CTNNA3: variants seen among roughly 807,000 people sequenced by gnomAD.
The protein encoded by CTNNA3 is catenin alpha 3, also known as catenin alpha-3.
In CTNNA3, 76 loss-of-function variants were observed where a neutral mutation model predicts 95.7. The observed-to-expected ratio is 0.79, with a 90% confidence interval of 0.66 to 0.96. The LOEUF is 0.96. Ranked by LOEUF, CTNNA3 falls within the 40% of genes least tolerant of loss-of-function variation. The pLI, the probability that CTNNA3 is intolerant of heterozygous loss-of-function variation, is 0.00. For synonymous variants in CTNNA3, 431 were observed against 374.4 expected (o/e 1.15, Z -1.74); for missense variants, 1,191 against 1,089.8 (o/e 1.09, Z -1.31).
At chr10:67,579,399 C>T (rs572877349) in intron 3 of CTNNA3, among the ~76,000 whole-genome samples, 3 of 152,106 alleles carry the variant, frequency 2.0e-5, no homozygotes, top group African/African-American at 7.2e-5. Flanking sequence ...TTTTTTATGG[C>T]TGCATACTAT....
chr10:66,024,538 A>T (rs973632419), intron 15 of CTNNA3, among the ~76,000 whole-genome samples: 10 of 152,242 alleles, frequency 6.6e-5, no homozygotes, highest in African/African-American at 2.2e-4. Flanking sequence ...TGATCTTTAC[A>T]CATACAGTTC....
chr10:67,695,585 C>T (rs1840948947), intron 1 of CTNNA3, among the ~76,000 whole-genome samples: 3 of 152,194 alleles, frequency 2.0e-5, no homozygotes, highest in Non-Finnish European at 4.4e-5. Context: ...CTTCCATTTA[C>T]TATGAATTAG....
chr10:66,607,603 T>C (rs1225425256), intron 10 of CTNNA3, among the ~76,000 whole-genome samples: 1 of 150,174 alleles, frequency 6.7e-6, no homozygotes, highest in Non-Finnish European at 1.5e-5. Context: ...AAAAAGCAAA[T>C]GCATGATGAT....
intron 3 of CTNNA3, among the ~76,000 whole-genome samples, chr10:67,560,063 G>A (rs1012052872): frequency 5.0e-4 from 76 of 152,202 alleles, no homozygotes; most frequent in Middle Eastern, 3.4e-3. Context: ...AAAACACTCT[G>A]CAGGATATTA....
chr10:66,261,356 C>T (rs2090992892), intron 13 of CTNNA3, among the ~76,000 whole-genome samples: 1 of 152,068 alleles, frequency 6.6e-6, no homozygotes. Context: ...CTACTTGTCA[C>T]TTGTCTCTTT....
chr10:66,465,923 CAAT>C (rs1838893092), intron 11 of CTNNA3, among the ~76,000 whole-genome samples: 1 of 152,056 alleles, frequency 6.6e-6, no homozygotes, highest in South Asian at 2.1e-4. Context: ...GGAGATAGTA[CAAT>C]GAGACAACAT....
intron 6 of CTNNA3, among the ~76,000 whole-genome samples, chr10:67,204,228 A>G (rs1414453735): frequency 6.6e-6 from 1 of 152,118 alleles, no homozygotes; most frequent in African/African-American, 2.4e-5. Context: ...AAATGTAACC[A>G]CTAATGTTGG....
chr10:66,370,291 C>A (rs1002124602), intron 12 of CTNNA3, among the ~76,000 whole-genome samples: 1 of 152,098 alleles, frequency 6.6e-6, no homozygotes, highest in Non-Finnish European at 1.5e-5. Flanking sequence ...GCTGTCTTTG[C>A]AGCTACAGGC....
chr10:66,763,837 A>G (rs1195996785), intron 9 of CTNNA3, among the ~76,000 whole-genome samples: 1 of 152,170 alleles, frequency 6.6e-6, no homozygotes, highest in Non-Finnish European at 1.5e-5. Context: ...CCCCCAACTG[A>G]CAGTTAACGC....
intron 1 of CTNNA3, among the ~76,000 whole-genome samples, chr10:67,742,389 T>A (rs538989939): frequency 5.3e-5 from 8 of 151,024 alleles, no homozygotes; most frequent in Admixed American, 4.6e-4. Flanking sequence ...AACAACCCGC[T>A]CCTGAATGAC....
chr10:66,980,196 G>A (rs955398700), intron 7 of CTNNA3, among the ~76,000 whole-genome samples: 1 of 152,086 alleles, frequency 6.6e-6, no homozygotes, highest in African/African-American at 2.4e-5. Context: ...CTGACCTACG[G>A]CAGTCAATAA....
At chr10:67,255,131 A>G (rs1866285621) in intron 5 of CTNNA3, among the ~76,000 whole-genome samples, 1 of 152,132 alleles carries the variant, frequency 6.6e-6, no homozygotes, top group Non-Finnish European at 1.5e-5. Flanking sequence ...CCATGTCTCT[A>G]CTAAAAATAC....
intron 3 of CTNNA3, among the ~76,000 whole-genome samples, chr10:67,598,704 T>C (rs1335816621): frequency 6.6e-6 from 1 of 152,140 alleles, no homozygotes; most frequent in Non-Finnish European, 1.5e-5. Flanking sequence ...TTATATGGCA[T>C]TTCCTGTAAG....
At chr10:66,723,808 G>A (rs1164249692) in intron 9 of CTNNA3, among the ~76,000 whole-genome samples, 1 of 152,160 alleles carries the variant, frequency 6.6e-6, no homozygotes, top group East Asian at 1.9e-4. Context: ...AATGAGGCAG[G>A]CAACAAGCCA....
rs541532976 is a variant in CTNNA3, at chr10:66,504,462, C to G, written c.1531+16155G>C. On this transcript the variant is annotated intron_variant, in intron 11 of 17. Transcript: ENST00000433211. Reference sequence around the variant, plus strand: ...TACATGATTCCTGTTTTCAAATTTCCTATCTAGACCCACTTGGATAGCAAG... The same window carrying G: ...TACATGATTCCTGTTTTCAAATTTCGTATCTAGACCCACTTGGATAGCAAG... Among the ~76,000 whole-genome samples, 155 of 152,276 alleles carry G rather than the reference C, an allele frequency of 1.0e-3. 2 individuals carry two copies. The highest frequency in any genetic ancestry group is 5.2e-3 in the South Asian group (25 of 4,826).
At chr10:67,269,381 C>T (rs1179956348) in intron 5 of CTNNA3, among the ~76,000 whole-genome samples, 6 of 152,014 alleles carry the variant, frequency 3.9e-5, no homozygotes, top group African/African-American at 1.4e-4. Flanking sequence ...GAATAAATAG[C>T]TAGACATACA....
intron 11 of CTNNA3, among the ~76,000 whole-genome samples, chr10:66,453,518 A>G (rs2093477889): frequency 1.3e-5 from 2 of 152,348 alleles, no homozygotes; most frequent in Admixed American, 1.3e-4. Context: ...AGGGAGAAAG[A>G]AGTGCTAGGG....
At chr10:66,278,373 G>A (rs1473804962) in intron 13 of CTNNA3, among the ~76,000 whole-genome samples, 1 of 151,650 alleles carries the variant, frequency 6.6e-6, no homozygotes, top group African/African-American at 2.4e-5. Flanking sequence ...TGAGAAGTTT[G>A]TTGAAAATTA....
chr10:66,018,035 T>C lies in CTNNA3; in HGVS notation c.2160-29238A>G, dbSNP rs192841736. ...ATCCTTTGGCCATAAAAGAAAATGA[T>C]TGGTCCTATAGAGGTCTCCTCAACT... On this transcript the variant is annotated intron_variant, in intron 15 of 17. Transcript: ENST00000433211. Among the ~76,000 whole-genome samples, 250 of 152,158 alleles carry C rather than the reference T, an allele frequency of 1.6e-3. 2 individuals carry two copies. The highest frequency in any genetic ancestry group is 5.9e-3 in the African/African-American group (245 of 41,538).
Sources: gnomAD v4.1 joint callset for allele counts (sites outside exome capture counted in the v4.1 genomes callset) on GRCh38, gnomAD v4.1.1 for gene constraint, MANE v1.5 for transcripts, NCBI Gene and HGNC (gene_info 2026-07-23, HGNC 2026-07-21) for gene names.